The following GRAMD4 variants were observed in gnomAD, a reference collection of about 807,000 sequenced individuals.
The protein encoded by GRAMD4 is GRAM domain-containing protein 4.
A neutral mutation model predicts 83.9 loss-of-function variants in GRAMD4; 25 were observed. The observed-to-expected ratio is 0.30, with a 90% CI of 0.22 to 0.42. The LOEUF (loss-of-function observed/expected upper bound fraction) is 0.42, where lower values mean the gene tolerates loss of function less well. GRAMD4 is among the 10% of genes least tolerant of loss of function. GRAMD4 has a pLI of 1.00. For missense variants in GRAMD4, 593 were observed against 788.7 expected, an observed-to-expected ratio of 0.75 and a Z score of 2.97; for synonymous variants, 336 against 320.9, an observed-to-expected ratio of 1.05 and a Z score of -0.50.
chr22:46,663,080 G>A lies in GRAMD4; in HGVS notation c.507G>A (p.Trp169Ter). The A allele has an allele frequency of 6.2e-7, 1 of 1,612,378 alleles. No homozygotes were observed. The highest frequency in any genetic ancestry group is 8.5e-7 in the Non-Finnish European group (1 of 1,179,558). The change falls in exon 6 of 19, where the codon TGG becomes TGA. Residue 169 changes from tryptophan to a stop codon, truncating the protein, a stop_gained. Transcript: ENST00000406902. LOFTEE classifies it high-confidence loss of function. Reference sequence around the variant, plus strand: ...GGCTGTCCTCGCGCCTGCAGAAGTGGTTCTACGAGCGGTTTGGGGAGTACG... The same window carrying A: ...GGCTGTCCTCGCGCCTGCAGAAGTGATTCTACGAGCGGTTTGGGGAGTACG... ...SQGLSSRLQK[W>*]FYERFGEYVE... is the part of the protein sequence containing the mutation.
At chr22:46,666,979 C>T (rs745472580) in intron 10 of GRAMD4, 106 bp downstream of exon 10, 1 of 796,604 alleles carries the variant, frequency 1.3e-6, no homozygotes, top group Middle Eastern at 3.2e-4. Flanking sequence ...GCCATGTGGT[C>T]ATCCCCCTGG....
chr22:46,604,583 A>G (rs1185044042), intron 1 of GRAMD4, among the ~76,000 whole-genome samples: 2 of 152,096 alleles, frequency 1.3e-5, no homozygotes, highest in Admixed American at 1.3e-4. Flanking sequence ...ACACCTCCCA[A>G]TCCACTTCCT....
At chr22:46,597,602 G>T (rs556908592) in intron 1 of GRAMD4, among the ~76,000 whole-genome samples, 3 of 152,026 alleles carry the variant, frequency 2.0e-5, no homozygotes, top group Admixed American at 1.3e-4. Flanking sequence ...CCATTCTCCC[G>T]CCTCAGCCTC....
chr22:46,596,558 A>C (rs1046752857), intron 1 of GRAMD4, among the ~76,000 whole-genome samples: 2 of 151,958 alleles, frequency 1.3e-5, no homozygotes, highest in African/African-American at 4.8e-5. Flanking sequence ...TTTTTTTCTG[A>C]GACGGAGTCT....
intron 1 of GRAMD4, among the ~76,000 whole-genome samples, chr22:46,597,297 T>C (rs914968787): frequency 1.3e-5 from 2 of 152,124 alleles, no homozygotes; most frequent in African/African-American, 4.8e-5. Context: ...GTTGGATGTT[T>C]AGGAGGTTAG....
chr22:46,638,776 G>A (rs2081929170), intron 3 of GRAMD4, among the ~76,000 whole-genome samples: 1 of 152,228 alleles, frequency 6.6e-6, no homozygotes, highest in South Asian at 2.1e-4. Flanking sequence ...TCCAGAGCCA[G>A]TCACTTGTGA....
exon 1 of GRAMD4, chr22:46,577,160 C>A: frequency 2.5e-6 from 1 of 398,740 alleles, no homozygotes; most frequent in Non-Finnish European, 3.4e-6. Context: ...CCGGGACCCG[C>A]GGGGCCGCCT....
rs182680575 is a variant in GRAMD4 at position 46,582,664 on chromosome 22, C to G, written c.-50+5374C>G. The stretch of plus-strand genomic sequence containing the variant: ...GAGTTGGGTAGGGCCAGGAGCCAGG[C>G]TGGGAGTGAATTTGTTTGTTCCTCA... On this transcript the variant is annotated intron_variant, in intron 1 of 1. Coordinates refer to the GRAMD4 transcript ENST00000431155. Among the ~76,000 whole-genome samples the G allele has an allele frequency of 9.9e-4, 151 of 152,262 alleles. 1 individual carries two copies. Among genetic ancestry groups the G allele is most frequent in the Admixed American group, 2.9e-3 (45 of 15,292 alleles).
At chr22:46,632,886 C>T (rs981081574) in intron 2 of GRAMD4, among the ~76,000 whole-genome samples, 5 of 152,186 alleles carry the variant, frequency 3.3e-5, no homozygotes, top group Admixed American at 6.5e-5. Flanking sequence ...CTGGGCGTGG[C>T]GGAGTTGAAT....
intron 1 of GRAMD4, among the ~76,000 whole-genome samples, chr22:46,599,484 A>AATTTTTGT (rs1468931353): frequency 6.6e-6 from 1 of 151,530 alleles, no homozygotes; most frequent in Non-Finnish European, 1.5e-5. Context: ...ATGCCCGGCT[A>AATTTTTGT]ATTTTTGTAT....
At chr22:46,582,841 C>G (rs1246687799) in intron 1 of GRAMD4, among the ~76,000 whole-genome samples, 1 of 152,190 alleles carries the variant, frequency 6.6e-6, no homozygotes, top group East Asian at 1.9e-4. Context: ...TCACCACAAT[C>G]GAAACCCAAA....
intron 1 of GRAMD4, among the ~76,000 whole-genome samples, chr22:46,624,419 C>G (rs951150448): frequency 6.7e-6 from 1 of 150,348 alleles, no homozygotes; most frequent in African/African-American, 2.5e-5. Flanking sequence ...AGCTCCGCCT[C>G]CCGGGTTCAA....
Position 46,679,614 on chromosome 22 carries a change from A to G in GRAMD4, c.*2363A>G. ...AAGCCTGAGTCTATTTTGGATCTGT[A>G]AATAATCATTGCCAGTGTGACTTTT... is the stretch of plus-strand genomic sequence containing the variant. On this transcript the variant is annotated 3_prime_UTR_variant, in exon 19 of 19. Coordinates refer to ENST00000406902, the MANE Select transcript of GRAMD4 (RefSeq NM_015124.5). 3.1e-6 allele frequency: 3 copies of G among 983,166 alleles called. No homozygotes were observed. The highest frequency in any genetic ancestry group is 3.6e-6 in the Non-Finnish European group (3 of 827,670). The allele number at this position is 983,166 out of a possible 1,614,324, so 60.9% of individuals were successfully genotyped here.
chr22:46,639,671 C>CGT (rs146371575), intron 3 of GRAMD4, among the ~76,000 whole-genome samples: 2 of 150,448 alleles, frequency 1.3e-5, no homozygotes, highest in Non-Finnish European at 3.0e-5. Context: ...GCAGTATTAC[C>CGT]GTGTGTGTGT....
chr22:46,586,017 G>A (rs2081146300), intron 1 of GRAMD4, among the ~76,000 whole-genome samples: 1 of 152,108 alleles, frequency 6.6e-6, no homozygotes, highest in African/African-American at 2.4e-5. Flanking sequence ...TCTGTGCTAT[G>A]GGGCTAGGCC....
upstream of GRAMD4, among the ~76,000 whole-genome samples, chr22:46,617,821 A>C (rs713895): frequency 0.88 from 133,272 of 152,272 alleles, 58,434 homozygotes; most frequent in East Asian, 1. Flanking sequence ...TCAGCTCCCC[A>C]CATGGGGTTC....
At chr22:46,635,504 C>G (rs117340045) in intron 2 of GRAMD4, among the ~76,000 whole-genome samples, 291 of 9,370 alleles carry the variant, frequency 0.031, 8 homozygotes, top group East Asian at 0.083. Flanking sequence ...CTGGGAGGCC[C>G]TATCCTCCCT....
intron 1 of GRAMD4, among the ~76,000 whole-genome samples, chr22:46,589,167 C>G (rs1471006638): frequency 6.6e-6 from 1 of 151,744 alleles, no homozygotes; most frequent in Non-Finnish European, 1.5e-5. Context: ...GAGACCCTGG[C>G]TCAGTGTCCT....
intron 5 of GRAMD4, among the ~76,000 whole-genome samples, chr22:46,661,648 G>A (rs12167821): frequency 0.011 from 1,714 of 152,348 alleles, 19 homozygotes; most frequent in African/African-American, 0.024. Flanking sequence ...TCTCTGATGC[G>A]AAGTGGTGAG....
Sources: gnomAD v4.1 joint callset for allele counts (sites outside exome capture counted in the v4.1 genomes callset) on GRCh38, gnomAD v4.1.1 for gene constraint, MANE v1.5 for transcripts, NCBI Gene and HGNC (gene_info 2026-07-23, HGNC 2026-07-21) for gene names.